USP33: variants seen among roughly 807,000 people sequenced by gnomAD.
The protein encoded by USP33 is ubiquitin carboxyl-terminal hydrolase 33.
In USP33, 46 loss-of-function variants were observed where a neutral mutation model predicts 124.2. The observed-to-expected ratio is 0.37, with a 90% CI of 0.29 to 0.47. The LOEUF (loss-of-function observed/expected upper bound fraction) is 0.47. Ranked by LOEUF, USP33 falls within the 20% of genes least tolerant of loss-of-function variation. The pLI is 0.99. For synonymous variants in USP33, 350 were observed against 352.3 expected, an observed-to-expected ratio of 0.99 and a Z score of 0.07; for missense variants, 851 against 1,070.6, an observed-to-expected ratio of 0.79 and a Z score of 2.86.
chr1:77,698,785 C>G (rs1015589966), intron 22 of USP33, among the ~76,000 whole-genome samples: 2 of 152,130 alleles, frequency 1.3e-5, no homozygotes, highest in Non-Finnish European at 2.9e-5. Flanking sequence ...CAGGCATGAG[C>G]CACCACGCCC....
chr1:77,747,321 C>T (rs1290078755), intron 1 of USP33, among the ~76,000 whole-genome samples: 2 of 142,692 alleles, frequency 1.4e-5, no homozygotes, highest in Non-Finnish European at 3.0e-5. Flanking sequence ...GTGGCATGAT[C>T]ATAGCTCACT....
At chr1:77,754,918 T>A (rs780642644) in intron 1 of USP33, among the ~76,000 whole-genome samples, 1 of 152,378 alleles carries the variant, frequency 6.6e-6, no homozygotes, top group African/African-American at 2.4e-5. Context: ...TTGTAAATAT[T>A]AATTAGCATT....
At chr1:77,719,034 T>TA (rs990142528) in intron 15 of USP33, among the ~76,000 whole-genome samples, 53 of 152,142 alleles carry the variant, frequency 3.5e-4, no homozygotes, top group African/African-American at 9.2e-4. Context: ...TTAAATATCT[T>TA]AATCAAAACA....
At chr1:77,697,594 A>C in intron 23 of USP33, 120 bp from the exon 24 acceptor site, 3 of 1,196,132 alleles carry the variant, frequency 2.5e-6, no homozygotes, top group Non-Finnish European at 1.2e-6. Context: ...TGGAACATGA[A>C]TCTGCAGACT....
chr1:77,751,719 TG>T, intron 1 of USP33, among the ~76,000 whole-genome samples: 1 of 152,100 alleles, frequency 6.6e-6, no homozygotes, highest in East Asian at 1.9e-4. Context: ...GACGGAGTCT[TG>T]CTCTGTCGCC....
At chr1:77,697,658 G>A in intron 23 of USP33, 184 bp from the exon 24 acceptor site, 4 of 911,772 alleles carry the variant, frequency 4.4e-6, no homozygotes, top group Non-Finnish European at 6.4e-6. Flanking sequence ...AAAAGTCAGA[G>A]ATGCTTTTGC....
At chr1:77,751,630 C>T (rs1169983955) in intron 1 of USP33, among the ~76,000 whole-genome samples, 2 of 152,288 alleles carry the variant, frequency 1.3e-5, no homozygotes, top group Middle Eastern at 3.4e-3. Flanking sequence ...CACTGCACTC[C>T]CGCCTGAGTG....
Position 77,715,880 on chromosome 1 carries a change from GGAAAA to G in USP33, c.1919-17_1919-13del. On this transcript the variant is annotated splice_polypyrimidine_tract_variant and intron_variant, in intron 17 of 23. Coordinates refer to ENST00000370794, the MANE Select transcript of USP33 (RefSeq NM_201624.3). ...TATATAGTGTCCACCTGAATTTGAG[GGAAAA>G]GAAATCATTACAGTAATACAAAAAC... 6.2e-7 allele frequency: 1 copy of G among 1,606,686 alleles called. No homozygotes were observed. The highest frequency in any genetic ancestry group is 8.5e-7 in the Non-Finnish European group (1 of 1,177,666).
chr1:77,727,207 G>C (rs1057075375), intron 10 of USP33, among the ~76,000 whole-genome samples: 5 of 152,176 alleles, frequency 3.3e-5, no homozygotes, highest in African/African-American at 1.2e-4. Flanking sequence ...TTAGGTTTGT[G>C]TGCCTTACAG....
rs1260807259 is a variant in USP33, at chr1:77,742,205, C to T, written c.-51-457G>A. ...TTCATTTTTCTACTAATAGGACCCC[C>T]TACTGATGGCATAAATTAAATCATC... On this transcript the variant is annotated intron_variant, in intron 1 of 23. Coordinates refer to ENST00000370794, the MANE Select transcript of USP33 (RefSeq NM_201624.3). Among the ~76,000 whole-genome samples the T allele has an allele frequency of 2.0e-5, 3 of 152,154 alleles. No individual in the cohort carries two copies. In the East Asian group the frequency reaches 5.8e-4, roughly 29 times the overall value.
Position 77,740,897 on chromosome 1 carries a change from G to T in USP33, c.178C>A (p.His60Asn). The T allele has an allele frequency of 1.3e-6, 2 of 1,568,554 alleles. No individual in the cohort carries two copies. Among genetic ancestry groups the T allele is most frequent in the Non-Finnish European group, 8.7e-7 (1 of 1,154,114 alleles). ...YVGCGESQVD[H>N]STIHSQETKH... is the part of the protein sequence containing the mutation. ...CATACCTGAGAATGTATGGTGCTGT[G>T]ATCTACTTGTGATTCACCACAGCCA... is the stretch of plus-strand genomic sequence containing the variant. The change falls in exon 4 of 24, where the codon CAC (histidine) becomes AAC (asparagine). Residue 60 changes from histidine (H) to asparagine (N), a missense_variant. Physicochemically the swap from His to Asn is moderately conservative, Grantham distance 68 (BLOSUM62 1). Around this residue, in one of 4 missense-constraint regions of USP33, gnomAD observed 221 missense variants for 302.9 expected, o/e 0.73. Transcript: ENST00000370794.
At chr1:77,750,624 A>AAGAGAAAGAAAGAAAG (rs1553201871) in intron 1 of USP33, among the ~76,000 whole-genome samples, 7 of 123,290 alleles carry the variant, frequency 5.7e-5, no homozygotes, top group Non-Finnish European at 1.1e-4. Context: ...CCTGACTTAA[A>AAGAGAAAGAAAGAAAG]AAAGAAAGAA....
At chr1:77,697,532 C>A in intron 23 of USP33, 58 bp from the exon 24 acceptor site, 2 of 1,516,866 alleles carry the variant, frequency 1.3e-6, no homozygotes, top group Non-Finnish European at 8.8e-7. Context: ...ATTGCAAAAG[C>A]GTTCATAATG....
chr1:77,707,622 G>T (rs947651765), intron 21 of USP33, among the ~76,000 whole-genome samples: 1 of 152,154 alleles, frequency 6.6e-6, no homozygotes, highest in African/African-American at 2.4e-5. Context: ...CTCAGAGAGA[G>T]AAATTTAATA....
intron 6 of USP33, among the ~76,000 whole-genome samples, chr1:77,734,672 A>G (rs993078926): frequency 6.6e-6 from 1 of 152,248 alleles, no homozygotes; most frequent in Non-Finnish European, 1.5e-5. Context: ...AACATTTAAG[A>G]CTACGTGTTT....
intron 5 of USP33, among the ~76,000 whole-genome samples, chr1:77,738,487 C>CT (rs965765130): frequency 3.5e-4 from 51 of 144,842 alleles, no homozygotes; most frequent in African/African-American, 4.3e-4. Flanking sequence ...ATCTTTTTTT[C>CT]TTTTTTTTTT....
intron 10 of USP33, among the ~76,000 whole-genome samples, chr1:77,727,955 T>C (rs1570797202): frequency 6.6e-6 from 1 of 152,208 alleles, no homozygotes; most frequent in African/African-American, 2.4e-5. Context: ...AATTAGAAAA[T>C]TGCAATTTGG....
In USP33 at chr1:77,741,983, T is replaced by C. The variant is rs545840369; in HGVS notation, c.-51-235A>G. ...CTACTACATAAACATTTTATTAAAA[T>C]TGACATCTATAAACAAATGTAAGTT... On this transcript the variant is annotated intron_variant, in intron 1 of 23. Coordinates refer to ENST00000370794, the MANE Select transcript of USP33 (RefSeq NM_201624.3). Among the ~76,000 whole-genome samples, 9 of 152,314 alleles carry C rather than the reference T, an allele frequency of 5.9e-5. No homozygotes were observed. The South Asian group carries it at 8.3e-4, about 14-fold the overall frequency.
chr1:77,735,077 T>G (rs1051243605), intron 6 of USP33, among the ~76,000 whole-genome samples: 9 of 151,438 alleles, frequency 5.9e-5, no homozygotes, highest in Non-Finnish European at 1.3e-4. Flanking sequence ...GAGCCGAGAT[T>G]GCACCACTGC....
Sources: gnomAD v4.1 joint callset for allele counts (sites outside exome capture counted in the v4.1 genomes callset) on GRCh38, gnomAD v4.1.1 for gene constraint, gnomAD v4.1.1 regional missense constraint, MANE v1.5 for transcripts, NCBI Gene and HGNC (gene_info 2026-07-23, HGNC 2026-07-21) for gene names.